Variants in HID1 observed in about 807,000 individuals in gnomAD.
HID1 encodes HID1 domain containing.
HID1 carries 42 observed loss-of-function variants against 89.7 expected under a neutral mutation model. That is an observed-to-expected ratio of 0.47 (90% confidence interval 0.37 to 0.61). HID1 has a LOEUF of 0.61. HID1 is among the 20% of genes least tolerant of loss of function. HID1 has a pLI of 0.00. For missense variants in HID1, 854 were observed against 1,039.3 expected, an observed-to-expected ratio of 0.82 and a Z score of 2.45; for synonymous variants, 442 against 433.8, an observed-to-expected ratio of 1.02 and a Z score of -0.24.
At chr17:74,964,729 C>A in intron 1 of HID1, 97 bp from the exon 2 acceptor site, 1 of 1,287,256 alleles carries the variant, frequency 7.8e-7, no homozygotes. Flanking sequence ...AGAGGGAAGC[C>A]AGAGTCCCCC....
In HID1 at chr17:74,972,009, C is replaced by T. The variant is rs1265795066; in HGVS notation, c.66+582G>A. ...TAGGCCTGGGGACAGGGCCCCCCACCAGGCTGCCTCGCTGCCCGCCACTCT... is the reference window on the plus strand; with the variant it reads ...TAGGCCTGGGGACAGGGCCCCCCACTAGGCTGCCTCGCTGCCCGCCACTCT... On this transcript the variant is annotated intron_variant, in intron 1 of 18. Transcript: ENST00000425042. This position sits in a 1 kb window ranked among gnomAD's most constrained non-coding sequence, Gnocchi z 6.4. Among the ~76,000 whole-genome samples the T allele has an allele frequency of 1.3e-5, 2 of 152,148 alleles. No individual in the cohort carries two copies. Among genetic ancestry groups the T allele is most frequent in the Non-Finnish European group, 2.9e-5 (2 of 68,004 alleles).
At position 74,953,402 on chromosome 17, in the gene HID1, G is replaced by A. The variant is rs147924544; in HGVS notation, c.1971+143C>T. 643 of 659,924 alleles carry A rather than the reference G, an allele frequency of 9.7e-4. 4 individuals carry two copies. Among genetic ancestry groups the A allele is most frequent in the Middle Eastern group, 5.0e-3 (12 of 2,402 alleles). The allele number at this position is 659,924 out of a possible 1,614,324, so 40.9% of individuals were successfully genotyped here. A position where few individuals can be genotyped will look rare whatever the true frequency, so the allele number is the denominator to read the frequency against. ...CCCCACCCCCAAGGGAGTCAGCAGCGCTGACCCTAATGCCCTGGGCACTGG... is the reference window on the plus strand; with the variant it reads ...CCCCACCCCCAAGGGAGTCAGCAGCACTGACCCTAATGCCCTGGGCACTGG... On this transcript the variant is annotated intron_variant, in intron 15 of 18. Coordinates refer to ENST00000425042, the MANE Select transcript of HID1 (RefSeq NM_030630.3).
intron 18 of HID1, 128 bp from the exon 19 acceptor site, chr17:74,951,761 G>A: frequency 7.4e-7 from 1 of 1,342,664 alleles, no homozygotes; most frequent in South Asian, 1.4e-5. Context: ...GGCAGCGGGT[G>A]CCACCGTCAA....
In HID1 at chr17:74,954,491, G is replaced by A. The variant is rs2039358818; in HGVS notation, c.1637-126C>T. 3 of 1,498,606 alleles carry A rather than the reference G, an allele frequency of 2.0e-6. No homozygotes were observed. In the Admixed American group the frequency reaches 6.0e-5, roughly 30 times the overall value. 92.8% of individuals were successfully genotyped at this position (1,498,606 alleles called of 1,614,324 possible). On this transcript the variant is annotated intron_variant, in intron 13 of 18. Coordinates refer to ENST00000425042, the MANE Select transcript of HID1 (RefSeq NM_030630.3). ...GGTGTCTGCCCAAGGGGTTGGAGATGGTACAGGGAGCCCAAGAGAGGGTGC... is the reference window on the plus strand; with the variant it reads ...GGTGTCTGCCCAAGGGGTTGGAGATAGTACAGGGAGCCCAAGAGAGGGTGC...
Position 74,955,812 on chromosome 17 carries a change from ATGT to A in HID1, c.1613_1615del (p.Asn538del), listed in dbSNP as rs2039381352. ...CTCACCATCAAACTGGTACTGGATG[ATGT>A]TGTTGAAGACCTCCAGGAGGAAGAA... is the stretch of plus-strand genomic sequence containing the variant. On this transcript the variant is annotated inframe_deletion, in exon 13 of 19. Coordinates refer to ENST00000425042, the MANE Select transcript of HID1 (RefSeq NM_030630.3). 1.2e-6 allele frequency: 2 copies of A among 1,614,140 alleles called. No homozygotes were observed. The highest frequency in any genetic ancestry group is 1.7e-6 in the Non-Finnish European group (2 of 1,180,000).
rs1598629617 is a variant in HID1, at chr17:74,963,388, C to A, written c.388-307G>T. 6.1e-6 allele frequency: 3 copies of A among 490,294 alleles called. No individual in the cohort carries two copies. In the East Asian group the frequency reaches 1.0e-4, roughly 17 times the overall value. 30.4% of individuals were successfully genotyped at this position (490,294 alleles called of 1,614,324 possible). On this transcript the variant is annotated intron_variant, in intron 3 of 18. Coordinates refer to ENST00000425042, the MANE Select transcript of HID1 (RefSeq NM_030630.3). The stretch of plus-strand genomic sequence containing the variant: ...CTGTGTTGCATCCCTCAGCACCTCA[C>A]CTGGACATAAACCCAGGGCAGGTGG...
chr17:74,954,441 G>C, intron 13 of HID1, 76 bp from the exon 14 acceptor site: 1 of 1,542,676 alleles, frequency 6.5e-7, no homozygotes, highest in South Asian at 1.2e-5. Context: ...GGGCTTCCTG[G>C]AAGGGGGAGT....
chr17:74,954,631 C>G, intron 13 of HID1: 1 of 559,954 alleles, frequency 1.8e-6, no homozygotes, highest in Non-Finnish European at 3.2e-6. Context: ...CACAACCCAG[C>G]ACTAAACAGC....
Position 74,951,372 on chromosome 17 carries a change from C to A in HID1, c.*198G>T. The A allele has an allele frequency of 1.7e-6, 1 of 597,186 alleles. No individual in the cohort carries two copies. The highest frequency in any genetic ancestry group is 3.0e-6 in the Non-Finnish European group (1 of 337,012). The allele number at this position is 597,186 out of a possible 1,614,324, so 37.0% of individuals were successfully genotyped here. A position where few individuals can be genotyped will look rare whatever the true frequency, so the allele number is the denominator to read the frequency against. On this transcript the variant is annotated 3_prime_UTR_variant, in exon 19 of 19. Coordinates refer to ENST00000425042, the MANE Select transcript of HID1 (RefSeq NM_030630.3). ...CCCAGAGATGGGGCTCCTGTGAGTCCAGCCTAGGGGTTGAGGGGGATCTGA... is the reference window on the plus strand; with the variant it reads ...CCCAGAGATGGGGCTCCTGTGAGTCAAGCCTAGGGGTTGAGGGGGATCTGA...
In HID1 at chr17:74,959,148, C is replaced by T; in HGVS notation, c.1009-97G>A. On this transcript the variant is annotated intron_variant, in intron 8 of 18. Transcript: ENST00000425042. This position sits in a 1 kb window ranked among gnomAD's most constrained non-coding sequence, Gnocchi z 4.6. ...CCAACAAATCCCCCCCTCCATCCCC[C>T]AGAGCCAGATCCCACCTCCAGAGCC... is the stretch of plus-strand genomic sequence containing the variant. 1 of 1,372,836 alleles carries T rather than the reference C, an allele frequency of 7.3e-7. No individual in the cohort carries two copies. The highest frequency in any genetic ancestry group is 9.6e-7 in the Non-Finnish European group (1 of 1,039,546). 85.0% of individuals were successfully genotyped at this position (1,372,836 alleles called of 1,614,324 possible).
In HID1 at chr17:74,966,233, G is replaced by A. The variant is rs1362773297; in HGVS notation, c.67-1601C>T. On this transcript the variant is annotated intron_variant, in intron 1 of 18. Coordinates refer to ENST00000425042, the MANE Select transcript of HID1 (RefSeq NM_030630.3). ...CAGGAGGCAGAGGTCGCAGTGAGCC[G>A]AGATCGCGCCACTGCATTCCAGCCT... is the stretch of plus-strand genomic sequence containing the variant. Among the ~76,000 whole-genome samples, 36 of 135,734 alleles carry A rather than the reference G, an allele frequency of 2.7e-4. 1 individual carries two copies. Among genetic ancestry groups the A allele is most frequent in the East Asian group, 2.2e-4 (1 of 4,448 alleles). 89.0% of individuals were successfully genotyped at this position (135,734 alleles called of 152,430 possible).
Position 74,965,179 on chromosome 17 carries a change from T to A in HID1, c.67-547A>T, listed in dbSNP as rs191578797. ...TGGCTCTCTGACCCCAACACGCCCC[T>A]CTCAGCGCCCACCTCCAGCGCTGCA... is the stretch of plus-strand genomic sequence containing the variant. On this transcript the variant is annotated intron_variant, in intron 1 of 18. Transcript: ENST00000425042. 2.6e-3 allele frequency among the ~76,000 whole-genome samples: 389 copies of A among 152,274 alleles called. 2 individuals carry two copies. The highest frequency in any genetic ancestry group is 8.9e-3 in the African/African-American group (369 of 41,550).
At chr17:74,970,089 G>T (rs1372020496) in intron 1 of HID1, among the ~76,000 whole-genome samples, 2 of 151,214 alleles carry the variant, frequency 1.3e-5, no homozygotes, top group African/African-American at 4.9e-5. Context: ...GCTAATTTTT[G>T]TATTTTTAGT....
rs117953693 is a variant in HID1 at position 74,951,031 on chromosome 17, T to A, written c.*539A>T. 2,589 of 153,378 alleles carry A rather than the reference T, an allele frequency of 0.017. 29 individuals are homozygous for A. Among genetic ancestry groups the A allele is most frequent in the Admixed American group, 0.026 (407 of 15,392 alleles). 9.5% of individuals were successfully genotyped at this position (153,378 alleles called of 1,614,324 possible). A position where few individuals can be genotyped will look rare whatever the true frequency, so the allele number is the denominator to read the frequency against. ...CACCATGCCCCAAGGATACGGGAGGTGCCCCAGTCTGGCTTTTGCAGTCGG... is the reference window on the plus strand; with the variant it reads ...CACCATGCCCCAAGGATACGGGAGGAGCCCCAGTCTGGCTTTTGCAGTCGG... On this transcript the variant is annotated 3_prime_UTR_variant, in exon 19 of 19. Coordinates refer to ENST00000425042, the MANE Select transcript of HID1 (RefSeq NM_030630.3).
At chr17:74,955,693 AGC>A in intron 13 of HID1, 97 bp downstream of exon 13, 2 of 1,109,268 alleles carry the variant, frequency 1.8e-6, no homozygotes, top group East Asian at 2.6e-5. Context: ...CAAGCAGGCC[AGC>A]ACCTCCCAGA....
intron 12 of HID1, among the ~76,000 whole-genome samples, chr17:74,956,728 C>T (rs902731): frequency 0.55 from 82,994 of 152,074 alleles, 24,703 homozygotes; most frequent in East Asian, 0.8. Flanking sequence ...CCACAACCAT[C>T]CTCTCCAAAA....
chr17:74,965,225 G>A (rs2039543967), intron 1 of HID1, among the ~76,000 whole-genome samples: 1 of 152,204 alleles, frequency 6.6e-6, no homozygotes, highest in Non-Finnish European at 1.5e-5. Context: ...CCCTTGCCAG[G>A]GCTGCCAACT....
intron 1 of HID1, chr17:74,967,757 G>A (rs2039585027): frequency 6.6e-6 from 1 of 152,178 alleles, no homozygotes; most frequent in Non-Finnish European, 1.5e-5. Flanking sequence ...GGAGGCTGAG[G>A]TGGGAGGACT....
chr17:74,955,067 C>G (rs2039368161), intron 13 of HID1: 1 of 156,354 alleles, frequency 6.4e-6, no homozygotes, highest in African/African-American at 2.4e-5. Flanking sequence ...ACCCTTAGAA[C>G]CATTGTTATG....
Sources: allele counts gnomAD v4.1 joint callset (sites outside exome capture counted in the v4.1 genomes callset), GRCh38; gene constraint gnomAD v4.1.1; non-coding constraint Gnocchi (gnomAD v3.1); transcripts MANE v1.5; gene names NCBI Gene and HGNC (gene_info 2026-07-23, HGNC 2026-07-21).